AOPEP: variants seen among roughly 807,000 people sequenced by gnomAD.
AOPEP encodes the protein aminopeptidase O (putative).
Under a neutral mutation model 98.1 loss-of-function variants are expected in AOPEP, and 77 were observed. The observed-to-expected ratio is 0.78, with a 90% CI of 0.65 to 0.95. The LOEUF (loss-of-function observed/expected upper bound fraction) is 0.95. Among genes scored for constraint, AOPEP ranks in the 40% least tolerant of loss-of-function variants. The probability of loss-of-function intolerance (pLI) is 0.00; values close to 1 mark genes in which losing one functional copy is unlikely to be tolerated. For synonymous variants in AOPEP, 346 were observed against 365.3 expected, an observed-to-expected ratio of 0.95 and a Z score of 0.60; for missense variants, 1,024 against 1,024.7, an observed-to-expected ratio of 1.00 and a Z score of 0.01.
At chr9:94,987,406 C>T (rs1330716916) in intron 11 of AOPEP, among the ~76,000 whole-genome samples, 2 of 152,176 alleles carry the variant, frequency 1.3e-5, no homozygotes, top group Non-Finnish European at 2.9e-5. Context: ...AGGTGTGCTG[C>T]TGGGAAACTC....
At chr9:94,902,939 A>G (rs543803887) in intron 5 of AOPEP, among the ~76,000 whole-genome samples, 10 of 151,474 alleles carry the variant, frequency 6.6e-5, no homozygotes, top group Admixed American at 5.2e-4. Flanking sequence ...CTGTAATCCC[A>G]GTTACTCGGG....
chr9:94,986,519 T>G (rs1240574203), intron 11 of AOPEP, among the ~76,000 whole-genome samples: 1 of 152,202 alleles, frequency 6.6e-6, no homozygotes, highest in Non-Finnish European at 1.5e-5. Context: ...CTCACTGCAT[T>G]TTATTCCCCT....
chr9:94,880,372 C>CTTT (rs1331470545), intron 5 of AOPEP, among the ~76,000 whole-genome samples: 1 of 127,136 alleles, frequency 7.9e-6, no homozygotes, highest in African/African-American at 2.9e-5. Flanking sequence ...TTTTTCTTTT[C>CTTT]TTTTTTTTTT....
chr9:94,855,326 C>T (rs534364074), intron 5 of AOPEP, among the ~76,000 whole-genome samples: 1 of 152,154 alleles, frequency 6.6e-6, no homozygotes, highest in Non-Finnish European at 1.5e-5. Context: ...TATCTGCCCA[C>T]CTTGGCTTCC....
intron 3 of AOPEP, among the ~76,000 whole-genome samples, chr9:94,789,446 GT>G (rs1001093233): frequency 1.1e-4 from 17 of 151,788 alleles, no homozygotes; most frequent in Non-Finnish European, 2.4e-4. Flanking sequence ...AAGAAAATGT[GT>G]TTTTTTTAGG....
At chr9:94,823,349 G>T (rs764374887) in intron 5 of AOPEP, among the ~76,000 whole-genome samples, 11 of 152,214 alleles carry the variant, frequency 7.2e-5, no homozygotes, top group Admixed American at 2.0e-4. Context: ...CTATTTAAAG[G>T]TCAGTATACC....
At chr9:95,112,348 A>G in the AOPEP span, among the ~76,000 whole-genome samples, 193 of 152,322 alleles carry the variant, frequency 1.3e-3, no homozygotes, top group African/African-American at 4.5e-3. Flanking sequence ...TGGCTGGAAC[A>G]GGAGTGTTCC....
chr9:94,733,105 C>CTT (rs537104658), intron 1 of AOPEP, among the ~76,000 whole-genome samples: 152 of 128,908 alleles, frequency 1.2e-3, no homozygotes, highest in African/African-American at 1.4e-3. Context: ...TTTTCTTTCT[C>CTT]TTTTTTTTTT....
chr9:95,095,013 C>T, the AOPEP span, among the ~76,000 whole-genome samples: 19 of 152,306 alleles, frequency 1.2e-4, no homozygotes, highest in African/African-American at 4.3e-4. Context: ...TGGCTGCTGG[C>T]GGATGCAGCT....
the AOPEP span, among the ~76,000 whole-genome samples, chr9:95,138,047 G>A: frequency 6.6e-6 from 1 of 152,240 alleles, no homozygotes; most frequent in East Asian, 1.9e-4. Flanking sequence ...AGAGGAGTGG[G>A]AAAGGCTGAA....
At position 94,958,075 on chromosome 9, in the gene AOPEP, G is replaced by A. The variant is rs1431405977; in HGVS notation, c.1872+2060G>A. 3.3e-5 allele frequency among the ~76,000 whole-genome samples: 5 copies of A among 151,902 alleles called. No individual in the cohort carries two copies. In the East Asian group the frequency reaches 7.7e-4, roughly 23 times the overall value. On this transcript the variant is annotated intron_variant, in intron 9 of 16. Coordinates refer to ENST00000375315, the MANE Select transcript of AOPEP (RefSeq NM_001193329.3). ...CTTTCCTCCCCCAGCCCCAGCAACC[G>A]CCATTCTACTTTCTGTCTCTGTGAG...
At chr9:94,907,619 T>G (rs948350356) in intron 5 of AOPEP, among the ~76,000 whole-genome samples, 3 of 151,924 alleles carry the variant, frequency 2.0e-5, no homozygotes, top group Non-Finnish European at 4.4e-5. Flanking sequence ...CACACCAGTC[T>G]TCCCCAGAGC....
intron 13 of AOPEP, among the ~76,000 whole-genome samples, chr9:95,014,418 G>T (rs1168715749): frequency 6.6e-6 from 1 of 152,006 alleles, no homozygotes; most frequent in Non-Finnish European, 1.5e-5. Context: ...GTTGCTATAA[G>T]CCTAGATCGT....
intron 13 of AOPEP, among the ~76,000 whole-genome samples, chr9:95,058,654 G>A (rs1376895628): frequency 6.6e-6 from 1 of 152,212 alleles, no homozygotes; most frequent in East Asian, 1.9e-4. Context: ...TCCTGTTGTG[G>A]CCTGGCCTGG....
chr9:94,776,858 A>G (rs543154474), intron 3 of AOPEP, among the ~76,000 whole-genome samples: 49 of 151,600 alleles, frequency 3.2e-4, no homozygotes, highest in African/African-American at 1.2e-3. Flanking sequence ...TGATTTCATA[A>G]TAAGTATTTA....
intron 6 of AOPEP, among the ~76,000 whole-genome samples, chr9:94,926,875 C>T (rs984262236): frequency 6.6e-6 from 1 of 152,174 alleles, no homozygotes; most frequent in East Asian, 1.9e-4. Flanking sequence ...GAGGCATCCG[C>T]AGGGATTTGT....
intron 1 of AOPEP, among the ~76,000 whole-genome samples, chr9:94,740,987 A>G (rs552219147): frequency 8.7e-4 from 133 of 152,310 alleles, no homozygotes; most frequent in African/African-American, 3.0e-3. Flanking sequence ...GGAAAGTTTC[A>G]CAGAGTGGAT....
At chr9:94,756,288 G>A (rs1357560607) in intron 1 of AOPEP, among the ~76,000 whole-genome samples, 1 of 151,684 alleles carries the variant, frequency 6.6e-6, no homozygotes, top group Non-Finnish European at 1.5e-5. Context: ...GTTGGCTTAG[G>A]TGTGATGGCT....
chr9:95,143,567 A>C, the AOPEP span, among the ~76,000 whole-genome samples: 1 of 152,218 alleles, frequency 6.6e-6, no homozygotes, highest in Admixed American at 6.5e-5. Flanking sequence ...GCCTGGATGA[A>C]GACCAAATGC....
Sources: gnomAD v4.1 joint callset for allele counts (sites outside exome capture counted in the v4.1 genomes callset) on GRCh38, gnomAD v4.1.1 for gene constraint, MANE v1.5 for transcripts, NCBI Gene and HGNC (gene_info 2026-07-23, HGNC 2026-07-21) for gene names.